The following MAGI3 variants were observed in gnomAD, a reference collection of about 807,000 sequenced individuals.
MAGI3 encodes membrane-associated guanylate kinase, WW and PDZ domain-containing protein 3.
Under a neutral mutation model 121.8 loss-of-function variants are expected in MAGI3, and 43 were observed. The observed-to-expected ratio is 0.35, with a 90% CI of 0.28 to 0.46. MAGI3 has a LOEUF of 0.46. Ranked by LOEUF, MAGI3 falls within the 20% of genes least tolerant of loss-of-function variation. MAGI3 has a pLI of 1.00. For synonymous variants in MAGI3, 553 were observed against 639.3 expected, an observed-to-expected ratio of 0.86 and a Z score of 2.04; for missense variants, 1,547 against 1,797.3, an observed-to-expected ratio of 0.86 and a Z score of 2.52.
At chr1:113,490,764 C>G (rs1376591688) in intron 1 of MAGI3, among the ~76,000 whole-genome samples, 2 of 152,148 alleles carry the variant, frequency 1.3e-5, no homozygotes, top group Admixed American at 1.3e-4. Context: ...CAACAAAGAT[C>G]AGAAAGATCA....
chr1:113,476,048 G>T (rs1655801986), intron 1 of MAGI3, among the ~76,000 whole-genome samples: 1 of 152,170 alleles, frequency 6.6e-6, no homozygotes, highest in African/African-American at 2.4e-5. Context: ...ATGGTAGTTT[G>T]TATTTCTGTG....
At chr1:113,513,282 A>C (rs1244325756) in intron 1 of MAGI3, among the ~76,000 whole-genome samples, 1 of 152,202 alleles carries the variant, frequency 6.6e-6, no homozygotes, top group Non-Finnish European at 1.5e-5. Context: ...ACTACTTTAA[A>C]GTTCATATGG....
intron 5 of MAGI3, among the ~76,000 whole-genome samples, chr1:113,592,311 G>T (rs1648736963): frequency 6.6e-6 from 1 of 152,110 alleles, no homozygotes; most frequent in African/African-American, 2.4e-5. Flanking sequence ...AGAAAATAAT[G>T]TTCATATAGG....
rs995735662 is a variant in MAGI3 at position 113,654,069 on chromosome 1, G to A, written c.2629+51G>A. The A allele has an allele frequency of 2.8e-6, 4 of 1,422,710 alleles. No individual in the cohort carries two copies. The African/African-American group carries it at 5.8e-5, about 21-fold the overall frequency. The allele number at this position is 1,422,710 out of a possible 1,614,324, so 88.1% of individuals were successfully genotyped here. Reference sequence around the variant, plus strand: ...TCTCCCTGCAAGTCCAGTTTTCTGAGGCTCCCACTGGAGTTTATGAAATAA... The same window carrying A: ...TCTCCCTGCAAGTCCAGTTTTCTGAAGCTCCCACTGGAGTTTATGAAATAA... On this transcript the variant is annotated intron_variant, in intron 15 of 20. Transcript: ENST00000307546.
At chr1:113,621,377 A>G (rs538484101) in intron 8 of MAGI3, among the ~76,000 whole-genome samples, 2 of 152,270 alleles carry the variant, frequency 1.3e-5, no homozygotes, top group East Asian at 1.9e-4. Context: ...GTTGGATTTG[A>G]CAGTAGGGAG....
chr1:113,415,128 A>G (rs539945261), intron 1 of MAGI3, among the ~76,000 whole-genome samples: 2 of 152,202 alleles, frequency 1.3e-5, no homozygotes, highest in South Asian at 4.1e-4. Context: ...CCTCTTCCCT[A>G]TAATGTTTTT....
intron 6 of MAGI3, among the ~76,000 whole-genome samples, chr1:113,599,003 G>T (rs1219053329): frequency 6.6e-6 from 1 of 152,126 alleles, no homozygotes. Flanking sequence ...TCTGCACACT[G>T]CTTTGAATGT....
chr1:113,456,382 A>C (rs1172856632), intron 1 of MAGI3, among the ~76,000 whole-genome samples: 1 of 152,150 alleles, frequency 6.6e-6, no homozygotes, highest in African/African-American at 2.4e-5. Context: ...CTAGGAAATA[A>C]TTTTCTATAT....
rs1000231379 is a variant in MAGI3, at chr1:113,604,482, G to A, written c.1018+9922G>A. Among the ~76,000 whole-genome samples the A allele has an allele frequency of 6.4e-5, 9 of 141,474 alleles. No homozygotes were observed. The South Asian group carries it at 6.9e-4, about 11-fold the overall frequency. The allele number at this position is 141,474 out of a possible 152,430, so 92.8% of individuals were successfully genotyped here. ...CTCGGGAGGCTGAGGCAGGAGAATC[G>A]CTTGAATCCAGGAGGCGGAGGTTGT... On this transcript the variant is annotated intron_variant, in intron 6 of 20. Transcript: ENST00000307546.
intron 9 of MAGI3, among the ~76,000 whole-genome samples, chr1:113,639,966 C>T (rs114080067): frequency 0.01 from 1,557 of 152,300 alleles, 19 homozygotes; most frequent in Middle Eastern, 0.02. Flanking sequence ...AGGCATGAGC[C>T]GCTGCGCCTG....
chr1:113,471,167 A>G (rs950741346), intron 1 of MAGI3, among the ~76,000 whole-genome samples: 4 of 152,248 alleles, frequency 2.6e-5, no homozygotes, highest in Admixed American at 1.3e-4. Context: ...CTGACAGCAG[A>G]AAATACATTC....
chr1:113,664,386 A>G (rs1044099917), intron 16 of MAGI3, among the ~76,000 whole-genome samples: 1 of 152,220 alleles, frequency 6.6e-6, no homozygotes, highest in African/African-American at 2.4e-5. Context: ...CTACAACACT[A>G]CAGTATTACA....
At chr1:113,394,659 G>A (rs1041065622) in intron 1 of MAGI3, among the ~76,000 whole-genome samples, 6 of 152,066 alleles carry the variant, frequency 3.9e-5, no homozygotes, top group African/African-American at 1.4e-4. Flanking sequence ...ACACCTTTAA[G>A]CTCATATTTC....
Position 113,619,960 on chromosome 1 carries a change from A to G in MAGI3, c.1171+130A>G, listed in dbSNP as rs112542389. ...AAAGAGTGTCTAGTTGTTACTGTAA[A>G]GATATGAATAATCTTAATAAAACAT... On this transcript the variant is annotated intron_variant, in intron 8 of 20. Coordinates refer to ENST00000307546, the MANE Select transcript of MAGI3 (RefSeq NM_001142782.2). The G allele has an allele frequency of 5.3e-6, 3 of 566,796 alleles. No homozygotes were observed. The South Asian group carries it at 7.7e-5, about 15-fold the overall frequency. The allele number at this position is 566,796 out of a possible 1,614,324, so 35.1% of individuals were successfully genotyped here.
chr1:113,398,514 C>T (rs1331187457), intron 1 of MAGI3, among the ~76,000 whole-genome samples: 2 of 152,036 alleles, frequency 1.3e-5, no homozygotes, highest in Middle Eastern at 3.2e-3. Context: ...TTTGCTTTTG[C>T]TGGTTTTTTT....
intron 2 of MAGI3, 133 bp downstream of exon 2, chr1:113,549,764 A>T: frequency 2.0e-6 from 1 of 504,818 alleles, no homozygotes; most frequent in Non-Finnish European, 3.5e-6. Context: ...ATGAAACAAA[A>T]ATTGGATAAG....
chr1:113,473,921 A>G (rs754450958), intron 1 of MAGI3, among the ~76,000 whole-genome samples: 45 of 152,164 alleles, frequency 3.0e-4, no homozygotes, highest in South Asian at 6.2e-4. Flanking sequence ...CATCCTCTCC[A>G]CCATCTGTTG....
At chr1:113,428,349 A>G (rs112618594) in intron 1 of MAGI3, among the ~76,000 whole-genome samples, 27 of 152,218 alleles carry the variant, frequency 1.8e-4, no homozygotes, top group African/African-American at 5.8e-4. Context: ...TTTTTTCCCC[A>G]TATGGATTTT....
At chr1:113,507,376 T>C (rs1657386171) in intron 1 of MAGI3, among the ~76,000 whole-genome samples, 1 of 152,190 alleles carries the variant, frequency 6.6e-6, no homozygotes, top group African/African-American at 2.4e-5. Flanking sequence ...TTTATGTTAT[T>C]TCACTAATCT....
Sources: allele counts gnomAD v4.1 joint callset (sites outside exome capture counted in the v4.1 genomes callset), GRCh38; gene constraint gnomAD v4.1.1; transcripts MANE v1.5; gene names NCBI Gene and HGNC (gene_info 2026-07-23, HGNC 2026-07-21).